Variants in PRUNE2 observed in about 807,000 individuals in gnomAD.
The protein encoded by PRUNE2 is protein prune homolog 2.
PRUNE2 carries 164 observed loss-of-function variants against 252.0 expected under a neutral mutation model. The ratio of observed to expected loss-of-function variants is 0.65; its 90% confidence interval spans 0.57 to 0.74. The LOEUF (loss-of-function observed/expected upper bound fraction) is 0.74, where lower values mean the gene tolerates loss of function less well. PRUNE2 is among the 30% of genes least tolerant of loss of function. The pLI, the probability that PRUNE2 is intolerant of heterozygous loss-of-function variation, is 0.00. For synonymous variants in PRUNE2, 1,292 were observed against 1,350.2 expected (o/e 0.96, Z 0.94); for missense variants, 3,495 against 3,711.0 (o/e 0.94, Z 1.51).
chr9:76,731,280 C>A (rs185915542), intron 6 of PRUNE2, among the ~76,000 whole-genome samples: 40 of 86,858 alleles, frequency 4.6e-4, no homozygotes, highest in South Asian at 3.6e-4. Flanking sequence ...TATTCCCTCT[C>A]TCTATCTATC....
intron 6 of PRUNE2, among the ~76,000 whole-genome samples, chr9:76,726,589 T>C (rs2048122460): frequency 6.6e-6 from 1 of 152,228 alleles, no homozygotes; most frequent in Admixed American, 6.5e-5. Flanking sequence ...AGGAGGGTAT[T>C]AAAAAGAGGA....
At chr9:76,858,516 C>T (rs1002179745) in intron 1 of PRUNE2, among the ~76,000 whole-genome samples, 1 of 152,002 alleles carries the variant, frequency 6.6e-6, no homozygotes, top group South Asian at 2.1e-4. Context: ...GAACAGAAAA[C>T]CAGACACTGC....
At chr9:76,838,645 C>CAAAA (rs10540002) in intron 4 of PRUNE2, among the ~76,000 whole-genome samples, 21 of 84,668 alleles carry the variant, frequency 2.5e-4, no homozygotes, top group Non-Finnish European at 3.7e-4. Flanking sequence ...AACTCTGTCT[C>CAAAA]AAAAAAAAAA....
chr9:76,811,908 G>C (rs1447082769), intron 6 of PRUNE2, among the ~76,000 whole-genome samples: 1 of 152,158 alleles, frequency 6.6e-6, no homozygotes, highest in Non-Finnish European at 1.5e-5. Context: ...GTACTACCTA[G>C]GCAGAAGAAG....
At chr9:76,788,125 C>T (rs2055193774) in intron 6 of PRUNE2, among the ~76,000 whole-genome samples, 1 of 152,126 alleles carries the variant, frequency 6.6e-6, no homozygotes, top group African/African-American at 2.4e-5. Flanking sequence ...TGTCAATAGA[C>T]TATGAGAGCC....
chr9:76,850,156 C>T (rs1026074718), intron 3 of PRUNE2, among the ~76,000 whole-genome samples: 2 of 152,080 alleles, frequency 1.3e-5, no homozygotes, highest in Non-Finnish European at 2.9e-5. Context: ...TCAGGCAATT[C>T]TCGTGCCTCA....
chr9:76,796,290 A>AT (rs5898509), intron 6 of PRUNE2, among the ~76,000 whole-genome samples: 20,838 of 152,140 alleles, frequency 0.14, 2,877 homozygotes, highest in African/African-American at 0.35. Flanking sequence ...TGACAATATC[A>AT]TTAAATGACA....
chr9:76,729,649 A>G (rs1319608809), intron 6 of PRUNE2, among the ~76,000 whole-genome samples: 1 of 152,196 alleles, frequency 6.6e-6, no homozygotes, highest in Admixed American at 6.5e-5. Flanking sequence ...ACTGTTAAAA[A>G]GAAATGTTTT....
At chr9:76,758,248 T>C (rs1356230562) in intron 6 of PRUNE2, among the ~76,000 whole-genome samples, 3 of 152,186 alleles carry the variant, frequency 2.0e-5, no homozygotes, top group Non-Finnish European at 4.4e-5. Context: ...GGACCAACTG[T>C]GTAGAACTTA....
chr9:76,837,293 T>A (rs2059046942), intron 4 of PRUNE2, among the ~76,000 whole-genome samples: 1 of 151,840 alleles, frequency 6.6e-6, no homozygotes, highest in Non-Finnish European at 1.5e-5. Context: ...AATACAAAAA[T>A]TAGCCAGGCG....
chr9:76,897,434 G>GAGTCTCGC (rs2062902563), intron 1 of PRUNE2, among the ~76,000 whole-genome samples: 1 of 102,112 alleles, frequency 9.8e-6, no homozygotes, highest in Non-Finnish European at 1.8e-5. Flanking sequence ...TTTTGAGATG[G>GAGTCTCGC]AGTCTCGCTC....
At chr9:76,775,140 C>CG (rs1195879774) in intron 6 of PRUNE2, among the ~76,000 whole-genome samples, 2 of 152,014 alleles carry the variant, frequency 1.3e-5, no homozygotes, top group African/African-American at 2.4e-5. Flanking sequence ...TTTATTTGGT[C>CG]GGGGGGAAAG....
At chr9:76,723,839 G>A (rs530532545) in intron 6 of PRUNE2, among the ~76,000 whole-genome samples, 10 of 143,212 alleles carry the variant, frequency 7.0e-5, no homozygotes, top group African/African-American at 2.1e-4. Flanking sequence ...ATGGAGTATC[G>A]CTCTGTCGCC....
intron 5 of PRUNE2, 37 bp from the exon 6 acceptor site, chr9:76,823,763 T>C (rs1202528491): frequency 1.6e-6 from 2 of 1,288,418 alleles, no homozygotes; most frequent in Non-Finnish European, 1.1e-6. Context: ...TATGTTATAC[T>C]TGAGGGATTT....
chr9:76,802,759 CA>C (rs141677250), intron 6 of PRUNE2, among the ~76,000 whole-genome samples: 2 of 150,768 alleles, frequency 1.3e-5, no homozygotes, highest in South Asian at 2.1e-4. Flanking sequence ...AATTTGTCTA[CA>C]AAAAAAAAGT....
intron 9 of PRUNE2, among the ~76,000 whole-genome samples, chr9:76,682,037 G>A (rs989709876): frequency 1.4e-4 from 21 of 152,108 alleles, no homozygotes; most frequent in Non-Finnish European, 2.4e-4. Context: ...AAAGGCAGAG[G>A]AGGTGACAAA....
At chr9:76,820,106 G>A (rs2131892470) in intron 6 of PRUNE2, among the ~76,000 whole-genome samples, 1 of 152,286 alleles carries the variant, frequency 6.6e-6, no homozygotes, top group South Asian at 2.1e-4. Context: ...CTTGGAGGCT[G>A]AGCGAAATGA....
At position 76,713,622 on chromosome 9, in the gene PRUNE2, C is replaced by T; in HGVS notation, c.856G>A (p.Glu286Lys). Residue 286 changes from glutamate to lysine, a missense_variant, in exon 7 of 19, where the codon GAG (glutamate) becomes AAG (lysine). By Grantham distance (56) the Glu-to-Lys change is moderately conservative (BLOSUM62 1). Coordinates refer to ENST00000376718, the MANE Select transcript of PRUNE2 (RefSeq NM_015225.3). ...LILFSSYLSE[E>K]QQPRRQIAVY... ...GCAATCTGTCGTCTCGGCTGCTGCTCCTCTGACAGATAGCTGGAGAACAGG... is the reference window on the plus strand; with the variant it reads ...GCAATCTGTCGTCTCGGCTGCTGCTTCTCTGACAGATAGCTGGAGAACAGG... 1 of 1,605,564 alleles carries T rather than the reference C, an allele frequency of 6.2e-7. No homozygotes were observed.
chr9:76,646,552 T>C (rs1172832509), intron 11 of PRUNE2, among the ~76,000 whole-genome samples: 1 of 152,202 alleles, frequency 6.6e-6, no homozygotes, highest in African/African-American at 2.4e-5. Context: ...AGGCCAAGCG[T>C]CGTGTCCCTT....
Sources: allele counts gnomAD v4.1 joint callset (sites outside exome capture counted in the v4.1 genomes callset), GRCh38; gene constraint gnomAD v4.1.1; transcripts MANE v1.5; gene names NCBI Gene and HGNC (gene_info 2026-07-23, HGNC 2026-07-21).